The following RIT2 variants were observed in gnomAD, a reference collection of about 807,000 sequenced individuals.
RIT2 encodes the protein Ras like without CAAX 2, also known as GTP-binding protein Rit2.
RIT2 carries 24 observed loss-of-function variants against 23.7 expected under a neutral mutation model. The ratio of observed to expected loss-of-function variants is 1.01; its 90% CI spans 0.73 to 1.43. RIT2 has a LOEUF of 1.43. Among genes scored for constraint, RIT2 ranks in the 40% most tolerant of loss-of-function variants. The pLI, the probability that RIT2 is intolerant of heterozygous loss-of-function variation, is 0.00. For synonymous variants in RIT2, 107 were observed against 91.1 expected (o/e 1.17, Z -0.99); for missense variants, 236 against 266.9 (o/e 0.88, Z 0.81).
intron 2 of RIT2, among the ~76,000 whole-genome samples, chr18:43,015,662 T>G (rs1911457273): frequency 6.6e-6 from 1 of 151,606 alleles, no homozygotes; most frequent in African/African-American, 2.4e-5. Context: ...CCTTGAAAAA[T>G]ACCTAGATTT....
chr18:42,867,646 T>C (rs1210333408), intron 4 of RIT2, among the ~76,000 whole-genome samples: 1 of 136,186 alleles, frequency 7.3e-6, no homozygotes, highest in Admixed American at 7.3e-5. Context: ...AAAAAAAAAA[T>C]AGCCGAGTGT....
At chr18:43,043,753 A>G (rs1025226247) in intron 1 of RIT2, among the ~76,000 whole-genome samples, 1 of 152,084 alleles carries the variant, frequency 6.6e-6, no homozygotes, top group Non-Finnish European at 1.5e-5. Context: ...TAGCTGAGAT[A>G]GTGCCATTGC....
Position 42,923,597 on chromosome 18 carries a change from T to A in RIT2, c.401A>T (p.Lys134Ile). ...YEIPLVLVGN[K>I]IDLEQFRQVS... is the part of the protein sequence containing the mutation. ...CTGGCGGAACTGTTCCAGATCAATTTTGTTACCCACCAGCACCAGGGGAAT... is the reference window on the plus strand; with the variant it reads ...CTGGCGGAACTGTTCCAGATCAATTATGTTACCCACCAGCACCAGGGGAAT... The change falls in exon 4 of 5, where the codon AAA becomes ATA. Residue 134 changes from lysine (K) to isoleucine (I), a missense_variant. Physicochemically the swap from Lys to Ile is moderately radical, Grantham distance 102. Transcript: ENST00000326695. 6.2e-7 allele frequency: 1 copy of A among 1,613,416 alleles called. No individual in the cohort carries two copies. Among genetic ancestry groups the A allele is most frequent in the Non-Finnish European group, 8.5e-7 (1 of 1,179,582 alleles).
intron 4 of RIT2, among the ~76,000 whole-genome samples, chr18:42,899,991 T>C (rs979719212): frequency 4.6e-5 from 7 of 152,038 alleles, no homozygotes; most frequent in Non-Finnish European, 7.4e-5. Flanking sequence ...CAAAACTACA[T>C]AATTTAAAAA....
intron 1 of RIT2, among the ~76,000 whole-genome samples, chr18:43,104,848 T>C (rs1280979734): frequency 7.2e-5 from 11 of 152,334 alleles, no homozygotes; most frequent in Middle Eastern, 3.4e-3. Flanking sequence ...TGTAGCTTAT[T>C]ATTAGCTTTT....
At chr18:42,747,105 T>C (rs902761152) in intron 4 of RIT2, among the ~76,000 whole-genome samples, 3 of 152,026 alleles carry the variant, frequency 2.0e-5, no homozygotes, top group Non-Finnish European at 4.4e-5. Flanking sequence ...GAAGAGGAAG[T>C]AAAACTGATG....
chr18:43,097,754 G>A (rs553274239), intron 1 of RIT2, among the ~76,000 whole-genome samples: 3 of 151,992 alleles, frequency 2.0e-5, no homozygotes, highest in Admixed American at 6.6e-5. Context: ...GAAAAGTGTC[G>A]CTACAGAGCT....
At chr18:42,904,694 T>C (rs1266136560) in intron 4 of RIT2, among the ~76,000 whole-genome samples, 1 of 152,104 alleles carries the variant, frequency 6.6e-6, no homozygotes, top group Non-Finnish European at 1.5e-5. Context: ...GATTGGCATA[T>C]ACACATTTAA....
intron 4 of RIT2, among the ~76,000 whole-genome samples, chr18:42,892,819 A>G (rs79012716): frequency 2.1e-3 from 326 of 152,298 alleles, no homozygotes; most frequent in African/African-American, 7.2e-3. Context: ...TTGAGTCTAT[A>G]TACTGAATTC....
intron 1 of RIT2, among the ~76,000 whole-genome samples, chr18:43,051,054 G>T (rs986907466): frequency 6.6e-6 from 1 of 151,998 alleles, no homozygotes; most frequent in African/African-American, 2.4e-5. Context: ...CAGAGGCTCG[G>T]ACTTACAACT....
At chr18:42,949,678 C>T (rs367573575) in intron 3 of RIT2, among the ~76,000 whole-genome samples, 8 of 152,040 alleles carry the variant, frequency 5.3e-5, no homozygotes, top group East Asian at 1.9e-4. Flanking sequence ...TACTCCACTT[C>T]GATTCTGACA....
intron 4 of RIT2, among the ~76,000 whole-genome samples, chr18:42,820,381 G>C (rs1906114060): frequency 6.6e-6 from 1 of 151,884 alleles, no homozygotes; most frequent in Non-Finnish European, 1.5e-5. Flanking sequence ...AAAAAAAAAA[G>C]TGAACTGAAT....
At chr18:42,923,246 A>G (rs1598716244) in intron 4 of RIT2, 2 of 198,964 alleles carry the variant, frequency 1.0e-5, no homozygotes, top group East Asian at 2.5e-4. Context: ...AAGGGTAAGC[A>G]GTTCAAGCGG....
At chr18:42,868,815 T>A (rs779031079) in intron 4 of RIT2, among the ~76,000 whole-genome samples, 2 of 152,224 alleles carry the variant, frequency 1.3e-5, no homozygotes, top group African/African-American at 2.4e-5. Context: ...GAAATTGGAA[T>A]ATCAGAATCA....
At chr18:43,085,038 G>C (rs1388421807) in intron 1 of RIT2, among the ~76,000 whole-genome samples, 1 of 152,090 alleles carries the variant, frequency 6.6e-6, no homozygotes, top group African/African-American at 2.4e-5. Context: ...GTAGGAAAGA[G>C]TAGGAAAGAG....
intron 4 of RIT2, among the ~76,000 whole-genome samples, chr18:42,833,079 G>GCT (rs1906505619): frequency 6.8e-6 from 1 of 147,762 alleles, no homozygotes; most frequent in Non-Finnish European, 1.5e-5. Context: ...AAAAAAGACG[G>GCT]CTTACTTGTT....
chr18:43,108,194 C>T (rs1913874759), intron 1 of RIT2, among the ~76,000 whole-genome samples: 1 of 150,390 alleles, frequency 6.6e-6, no homozygotes, highest in Non-Finnish European at 1.5e-5. Flanking sequence ...AAAAATGCAG[C>T]TGAAGTTAGA....
chr18:42,896,107 T>C (rs1908322101), intron 4 of RIT2, among the ~76,000 whole-genome samples: 1 of 151,988 alleles, frequency 6.6e-6, no homozygotes, highest in African/African-American at 2.4e-5. Flanking sequence ...CTACTAAAAA[T>C]ACAAAAATTA....
At chr18:42,890,988 G>A (rs8094360) in intron 4 of RIT2, among the ~76,000 whole-genome samples, 18,646 of 152,068 alleles carry the variant, frequency 0.12, 1,141 homozygotes, top group Middle Eastern at 0.26. Flanking sequence ...AGTTGAAGAG[G>A]AGGTTTTGAT....
Sources: gnomAD v4.1 joint callset for allele counts (sites outside exome capture counted in the v4.1 genomes callset) on GRCh38, gnomAD v4.1.1 for gene constraint, MANE v1.5 for transcripts, NCBI Gene and HGNC (gene_info 2026-07-23, HGNC 2026-07-21) for gene names.